NAALADL2: variants seen among roughly 807,000 people sequenced by gnomAD.
NAALADL2 encodes the protein inactive N-acetylated-alpha-linked acidic dipeptidase-like protein 2.
Under a neutral mutation model 87.2 loss-of-function variants are expected in NAALADL2, and 76 were observed. The observed-to-expected ratio is 0.87, with a 90% CI of 0.72 to 1.05. The LOEUF (loss-of-function observed/expected upper bound fraction) is 1.05. NAALADL2 is among the 50% of genes least tolerant of loss of function. The pLI is 0.00. For missense variants in NAALADL2, 1,089 were observed against 945.8 expected, an observed-to-expected ratio of 1.15 and a Z score of -1.99; for synonymous variants, 354 against 331.0, an observed-to-expected ratio of 1.07 and a Z score of -0.75.
At chr3:175,426,951 C>A (rs542504309) in intron 5 of NAALADL2, among the ~76,000 whole-genome samples, 1 of 152,218 alleles carries the variant, frequency 6.6e-6, no homozygotes, top group East Asian at 1.9e-4. Context: ...ACTAAGCAAC[C>A]TGAGCAACCT....
At chr3:174,813,562 C>G (rs1720457566) in intron 3 of NAALADL2, among the ~76,000 whole-genome samples, 1 of 152,134 alleles carries the variant, frequency 6.6e-6, no homozygotes, top group African/African-American at 2.4e-5. Context: ...AAAGTACGGT[C>G]TATGATGTTC....
intron 10 of NAALADL2, among the ~76,000 whole-genome samples, chr3:175,584,544 A>AAAT (rs1288735550): frequency 6.6e-6 from 1 of 152,192 alleles, no homozygotes; most frequent in African/African-American, 2.4e-5. Context: ...CTAATGATGG[A>AAAT]AATATGTTCT....
At chr3:175,027,739 C>T (rs1752381180) in intron 1 of NAALADL2, among the ~76,000 whole-genome samples, 1 of 152,068 alleles carries the variant, frequency 6.6e-6, no homozygotes, top group Non-Finnish European at 1.5e-5. Flanking sequence ...AAAACACTGG[C>T]AGAGGGCAAC....
intron 5 of NAALADL2, among the ~76,000 whole-genome samples, chr3:175,443,245 C>A (rs1049497564): frequency 1.3e-5 from 2 of 152,096 alleles, no homozygotes; most frequent in African/African-American, 4.8e-5. Context: ...GCAAGTCTAT[C>A]AGTCATGCAG....
At chr3:175,148,091 GATAATA>G (rs777779002) in intron 2 of NAALADL2, among the ~76,000 whole-genome samples, 203 of 110,744 alleles carry the variant, frequency 1.8e-3, no homozygotes, top group African/African-American at 4.6e-3. Context: ...TAATGATAAT[GATAATA>G]ATAATAATAA....
chr3:174,766,790 G>A (rs1042916285), intron 3 of NAALADL2, among the ~76,000 whole-genome samples: 4 of 152,132 alleles, frequency 2.6e-5, no homozygotes, highest in African/African-American at 9.7e-5. Context: ...ACATATCAGG[G>A]AACATAACCA....
intron 5 of NAALADL2, among the ~76,000 whole-genome samples, chr3:175,438,470 A>C (rs1323147934): frequency 6.6e-6 from 1 of 152,156 alleles, no homozygotes; most frequent in Admixed American, 6.6e-5. Flanking sequence ...GGAGAAAGTC[A>C]AATAAAATAT....
intron 1 of NAALADL2, among the ~76,000 whole-genome samples, chr3:174,531,129 G>C (rs1325091687): frequency 2.6e-5 from 4 of 152,086 alleles, no homozygotes; most frequent in African/African-American, 7.2e-5. Context: ...TATTGATACT[G>C]ACATTTTCAT....
intron 11 of NAALADL2, among the ~76,000 whole-genome samples, chr3:175,663,758 A>C (rs1351959151): frequency 1.3e-5 from 2 of 151,932 alleles, no homozygotes; most frequent in African/African-American, 4.8e-5. Flanking sequence ...TTGGCACAAG[A>C]TTTAGAACTT....
At chr3:174,842,342 C>T (rs1319463458) in intron 3 of NAALADL2, among the ~76,000 whole-genome samples, 1 of 152,124 alleles carries the variant, frequency 6.6e-6, no homozygotes, top group East Asian at 1.9e-4. Flanking sequence ...TGAGCCACTG[C>T]ACCTGGCCAC....
chr3:175,576,273 A>C (rs952346453), intron 10 of NAALADL2, 86 bp downstream of exon 10: 2 of 1,234,500 alleles, frequency 1.6e-6, no homozygotes, highest in Admixed American at 4.5e-5. Flanking sequence ...TTCAATTTTC[A>C]TATCAAATAG....
At chr3:174,540,344 G>A (rs1722112869) in intron 1 of NAALADL2, among the ~76,000 whole-genome samples, 1 of 152,112 alleles carries the variant, frequency 6.6e-6, no homozygotes, top group Non-Finnish European at 1.5e-5. Context: ...GTCATTTCCT[G>A]TGCTTATTCT....
At chr3:175,166,428 C>T (rs9847578) in intron 2 of NAALADL2, among the ~76,000 whole-genome samples, 118,468 of 152,000 alleles carry the variant, frequency 0.78, 47,494 homozygotes, top group East Asian at 0.93. Context: ...TCACAAATAC[C>T]GCTAGCTGCC....
intron 11 of NAALADL2, among the ~76,000 whole-genome samples, chr3:175,698,447 G>A: frequency 7.8e-6 from 1 of 127,794 alleles, no homozygotes; most frequent in African/African-American, 3.2e-5. Context: ...ATTTATGTAT[G>A]TATACATATA....
intron 2 of NAALADL2, among the ~76,000 whole-genome samples, chr3:175,229,918 A>G (rs1419548882): frequency 6.6e-6 from 1 of 152,020 alleles, no homozygotes; most frequent in Non-Finnish European, 1.5e-5. Context: ...TGACTTGCCC[A>G]TTCTGTATAT....
At chr3:174,616,517 C>A (rs974799911) in intron 2 of NAALADL2, among the ~76,000 whole-genome samples, 3 of 151,898 alleles carry the variant, frequency 2.0e-5, no homozygotes, top group African/African-American at 4.8e-5. Context: ...ATTAAGCTGG[C>A]AGTTGCAATT....
intron 2 of NAALADL2, among the ~76,000 whole-genome samples, chr3:174,619,062 C>G (rs16862594): frequency 0.031 from 4,753 of 151,724 alleles, 288 homozygotes; most frequent in African/African-American, 0.11. Context: ...AACAAGTTAC[C>G]TTTTTACATT....
chr3:175,488,139 G>A (rs895946922), intron 9 of NAALADL2, among the ~76,000 whole-genome samples: 1 of 152,146 alleles, frequency 6.6e-6, no homozygotes, highest in African/African-American at 2.4e-5. Context: ...TTCAACTTTT[G>A]TTTAATTCTA....
rs571676884 is a variant in NAALADL2, at chr3:174,875,981, A to G, written c.43+16531A>G. On this transcript the variant is annotated intron_variant, in intron 1 of 13. Coordinates refer to ENST00000454872, the MANE Select transcript of NAALADL2 (RefSeq NM_207015.3). ...AACTTAAAAGATAGATAAAAGTGAA[A>G]CCTTGTTTTTTTTTTTGAGGGAAAA... 2.0e-5 allele frequency among the ~76,000 whole-genome samples: 3 copies of G among 151,888 alleles called. No homozygotes were observed. The East Asian group carries it at 5.8e-4, about 29-fold the overall frequency.
Sources: allele counts gnomAD v4.1 joint callset (sites outside exome capture counted in the v4.1 genomes callset), GRCh38; gene constraint gnomAD v4.1.1; transcripts MANE v1.5; gene names NCBI Gene and HGNC (gene_info 2026-07-23, HGNC 2026-07-21).